The following MYBPC2 variants were observed in gnomAD, a reference collection of about 807,000 sequenced individuals.
The protein encoded by MYBPC2 is myosin-binding protein C, fast-type.
MYBPC2 carries 122 observed loss-of-function variants against 137.0 expected under a neutral mutation model. The observed-to-expected ratio is 0.89, with a 90% CI of 0.77 to 1.03. The LOEUF (loss-of-function observed/expected upper bound fraction) is 1.03, where lower values mean the gene tolerates loss of function less well. Among genes scored for constraint, MYBPC2 ranks in the 50% least tolerant of loss-of-function variants. The pLI, the probability that MYBPC2 is intolerant of heterozygous loss-of-function variation, is 0.00. For synonymous variants in MYBPC2, 626 were observed against 612.3 expected (o/e 1.02, Z -0.33); for missense variants, 1,500 against 1,534.4 (o/e 0.98, Z 0.37).
At chr19:50,461,099 G>A (rs1015940559) in intron 24 of MYBPC2, among the ~76,000 whole-genome samples, 1 of 151,878 alleles carries the variant, frequency 6.6e-6, no homozygotes, top group Non-Finnish European at 1.5e-5. Flanking sequence ...CAACCCGCAG[G>A]TTCAGGCAAT....
rs972567434 is a variant in MYBPC2, at chr19:50,435,392, C to T, written c.109+142C>T. Reference sequence around the variant, plus strand: ...AGGGCTGACCCACGCCTCCCGTGCTCCCAGCCCTCCCGGGGCTCCCTGGCA... The same window carrying T: ...AGGGCTGACCCACGCCTCCCGTGCTTCCAGCCCTCCCGGGGCTCCCTGGCA... On this transcript the variant is annotated intron_variant, in intron 2 of 27. Coordinates refer to ENST00000357701, the MANE Select transcript of MYBPC2 (RefSeq NM_004533.4). The surrounding 1 kb of genome is among the most constrained non-coding windows in gnomAD (Gnocchi z 4.8). The T allele has an allele frequency of 2.0e-5, 13 of 646,306 alleles. No individual in the cohort carries two copies. The African/African-American group carries it at 2.1e-4, about 10-fold the overall frequency. The allele number at this position is 646,306 out of a possible 1,614,324, so 40.0% of individuals were successfully genotyped here.
chr19:50,464,677 T>C, intron 27 of MYBPC2, 145 bp downstream of exon 27: 1 of 999,848 alleles, frequency 1.0e-6, no homozygotes, highest in Non-Finnish European at 1.4e-6. Flanking sequence ...GCTGCTGTCC[T>C]GAAGGCAGCA....
chr19:50,446,353 A>C (rs768305525), intron 12 of MYBPC2, among the ~76,000 whole-genome samples: 1 of 151,430 alleles, frequency 6.6e-6, no homozygotes. Flanking sequence ...TCTACTAAAA[A>C]TACAAAAAAA....
chr19:50,446,897 G>A (rs1044615293), intron 12 of MYBPC2, among the ~76,000 whole-genome samples: 2 of 150,492 alleles, frequency 1.3e-5, no homozygotes, highest in African/African-American at 2.5e-5. Context: ...TGAGGCAGGC[G>A]AATTGCTAGA....
In MYBPC2 at chr19:50,459,238, G is replaced by A; in HGVS notation, c.2723G>A (p.Gly908Glu). 6.2e-7 allele frequency: 1 copy of A among 1,611,462 alleles called. No homozygotes were observed. Among genetic ancestry groups the A allele is most frequent in the South Asian group, 1.1e-5 (1 of 91,006 alleles). ...FVRQAARSDS[G>E]EYELSVQIEN... Reference sequence around the variant, plus strand: ...CGCCAGGCGGCCCGCTCCGACTCCGGGGAGTACGAGCTGAGCGTGCAGATC... The same window carrying A: ...CGCCAGGCGGCCCGCTCCGACTCCGAGGAGTACGAGCTGAGCGTGCAGATC... Residue 908 changes from glycine (G) to glutamate (E), a missense_variant, in exon 23 of 28, where the codon GGG becomes GAG. Gly to Glu is a moderately conservative substitution (Grantham distance 98, BLOSUM62 -2). Transcript: ENST00000357701.
At position 50,466,125 on chromosome 19, in the gene MYBPC2, C is replaced by T. The variant is rs926759005; in HGVS notation, c.3416-70C>T. On this transcript the variant is annotated intron_variant, in intron 27 of 27. Transcript: ENST00000357701. The surrounding 1 kb of genome is among the most constrained non-coding windows in gnomAD (Gnocchi z 4.9). ...CCCCCTGCTGGTCATGTGGATGCAG[C>T]TCCTCCTCCTGGGGCTTCAGGAGGA... The T allele has an allele frequency of 1.2e-5, 19 of 1,605,648 alleles. No individual in the cohort carries two copies. Among genetic ancestry groups the T allele is most frequent in the Non-Finnish European group, 8.5e-6 (10 of 1,176,008 alleles).
chr19:50,448,470 A>AT, intron 13 of MYBPC2, 80 bp downstream of exon 13: 1 of 1,509,192 alleles, frequency 6.6e-7, no homozygotes, highest in East Asian at 2.3e-5. Context: ...GCTGTCCCCC[A>AT]TTTATTTTTT....
rs774953527 is a variant in MYBPC2 at position 50,458,953 on chromosome 19, C to T, written c.2542C>T (p.Gln848Ter). The T allele has an allele frequency of 1.9e-6, 3 of 1,612,868 alleles. No homozygotes were observed. The South Asian group carries it at 3.3e-5, about 18-fold the overall frequency. Residue 848 changes from glutamine (Q) to a stop codon, truncating the protein, a stop_gained, in exon 22 of 28, where the codon CAG becomes TAG. Transcript: ENST00000357701. LOFTEE classifies it high-confidence loss of function. ...PKIRLPRHLR[Q>*]TYIRKVGEQL... ...GATCCGGCTTCCCCGCCATCTCCGC[C>T]AGACCTACATCCGCAAAGTGGGCGA...
chr19:50,460,010 G>T, intron 23 of MYBPC2, 30 bp from the exon 24 acceptor site: 1 of 1,550,228 alleles, frequency 6.5e-7, no homozygotes, highest in South Asian at 1.2e-5. Context: ...CCAAAACCTG[G>T]ACTGACTTGT....
rs1156456682 is a variant in MYBPC2, at chr19:50,445,983, C to A, written c.1237C>A (p.Gln413Lys). Reference protein sequence around the residue: ...RHILIFSDVVQEDRGRYQVIT... With the variant: ...RHILIFSDVVKEDRGRYQVIT... ...CATCCTCATCTTCTCAGACGTGGTC[C>A]AGGAGGACAGGGGTCGCTATCAGGT... Residue 413 changes from glutamine to lysine, a missense_variant, in exon 12 of 28, where the codon CAG becomes AAG. By Grantham distance (53) the Gln-to-Lys change is moderately conservative. Coordinates refer to ENST00000357701, the MANE Select transcript of MYBPC2 (RefSeq NM_004533.4). 4 of 1,613,362 alleles carry A rather than the reference C, an allele frequency of 2.5e-6. No individual in the cohort carries two copies. The highest frequency in any genetic ancestry group is 3.4e-6 in the Non-Finnish European group (4 of 1,179,658).
chr19:50,441,239 A>G (rs1288558074), intron 8 of MYBPC2, among the ~76,000 whole-genome samples, 163 bp downstream of exon 8: 1 of 152,110 alleles, frequency 6.6e-6, no homozygotes, highest in African/African-American at 2.4e-5. Context: ...CAAATTGAGG[A>G]CTAGCTAAAA....
rs908044140 is a variant in MYBPC2 at position 50,433,896 on chromosome 19, C to T, written c.19+924C>T. On this transcript the variant is annotated intron_variant, in intron 1 of 27. Coordinates refer to ENST00000357701, the MANE Select transcript of MYBPC2 (RefSeq NM_004533.4). ...TTCAAGACCAGCCTGGGCAACATGG[C>T]GAGACCTTGTCTCTACAAAAAATTA... Among the ~76,000 whole-genome samples the T allele has an allele frequency of 3.3e-5, 5 of 152,192 alleles. No homozygotes were observed. In the East Asian group the frequency reaches 7.8e-4, roughly 24 times the overall value.
intron 26 of MYBPC2, among the ~76,000 whole-genome samples, chr19:50,462,895 C>T (rs1011443925): frequency 7.2e-5 from 11 of 152,208 alleles, no homozygotes; most frequent in African/African-American, 2.4e-4. Flanking sequence ...CAGCTTGTCT[C>T]GGCAGCTTGA....
At chr19:50,447,119 G>GC (rs1317183438) in intron 12 of MYBPC2, among the ~76,000 whole-genome samples, 1 of 151,724 alleles carries the variant, frequency 6.6e-6, no homozygotes, top group Non-Finnish European at 1.5e-5. Flanking sequence ...GTCTATACCT[G>GC]CCCCTTGACC....
chr19:50,453,914 T>C, intron 16 of MYBPC2, 106 bp from the exon 17 acceptor site: 1 of 1,297,184 alleles, frequency 7.7e-7, no homozygotes, highest in Non-Finnish European at 1.0e-6. Flanking sequence ...ACTCTGTGTG[T>C]TGATGGGGAA....
At chr19:50,458,787 C>G in intron 21 of MYBPC2, 33 bp downstream of exon 21, 1 of 1,605,112 alleles carries the variant, frequency 6.2e-7, no homozygotes, top group African/African-American at 1.3e-5. Context: ...CTCCGAAAGA[C>G]CAAGCTGGCG....
At chr19:50,434,237 G>C (rs1253979391) in intron 1 of MYBPC2, among the ~76,000 whole-genome samples, 1 of 151,990 alleles carries the variant, frequency 6.6e-6, no homozygotes, top group Admixed American at 6.6e-5. Context: ...TGTGCCTGTA[G>C]TCCCAGCTAC....
chr19:50,451,386 G>A, intron 15 of MYBPC2, 77 bp downstream of exon 15: 1 of 1,533,244 alleles, frequency 6.5e-7, no homozygotes, highest in Non-Finnish European at 9.0e-7. Flanking sequence ...AATGGCCGAG[G>A]GAGGATAGGC....
At chr19:50,456,292 T>TCATC (rs149201099) in intron 20 of MYBPC2, among the ~76,000 whole-genome samples, 33 of 139,128 alleles carry the variant, frequency 2.4e-4, no homozygotes, top group African/African-American at 3.9e-4. Context: ...CACCTGTCCA[T>TCATC]CATCCATCCA....
Sources: gnomAD v4.1 joint callset for allele counts (sites outside exome capture counted in the v4.1 genomes callset) on GRCh38, gnomAD v4.1.1 for gene constraint, Gnocchi (gnomAD v3.1) non-coding constraint, MANE v1.5 for transcripts, NCBI Gene and HGNC (gene_info 2026-07-23, HGNC 2026-07-21) for gene names.